PTPRD: variants seen among roughly 807,000 people sequenced by gnomAD.
The protein encoded by PTPRD is receptor-type tyrosine-protein phosphatase delta.
PTPRD carries 34 observed loss-of-function variants against 214.5 expected under a neutral mutation model. The observed-to-expected ratio is 0.16, with a 90% CI of 0.12 to 0.21. PTPRD has a LOEUF of 0.21. Among genes scored for constraint, PTPRD ranks in the 10% least tolerant of loss-of-function variants. The pLI is 1.00. For missense variants in PTPRD, 2,545 were observed against 2,398.7 expected, an observed-to-expected ratio of 1.06 and a Z score of -1.27; for synonymous variants, 1,128 against 845.7, an observed-to-expected ratio of 1.33 and a Z score of -5.79.
chr9:10,324,880 T>C (rs2096616185), intron 3 of PTPRD, among the ~76,000 whole-genome samples: 1 of 152,062 alleles, frequency 6.6e-6, no homozygotes, highest in African/African-American at 2.4e-5. Flanking sequence ...CAATCAAATG[T>C]ATAAGTCAAC....
At chr9:9,249,342 G>C (rs142541342) in intron 9 of PTPRD, among the ~76,000 whole-genome samples, 11 of 152,108 alleles carry the variant, frequency 7.2e-5, no homozygotes, top group Admixed American at 4.6e-4. Context: ...AGAACCATGA[G>C]ACAAATAAAC....
At chr9:8,411,331 AG>A (rs1331967242) in intron 35 of PTPRD, among the ~76,000 whole-genome samples, 8 of 144,422 alleles carry the variant, frequency 5.5e-5, no homozygotes, top group Non-Finnish European at 9.1e-5. Context: ...TTTTTGTGGC[AG>A]GGTCATGCCT....
At chr9:10,024,018 G>C (rs2096874088) in intron 4 of PTPRD, among the ~76,000 whole-genome samples, 1 of 151,806 alleles carries the variant, frequency 6.6e-6, no homozygotes, top group Non-Finnish European at 1.5e-5. Context: ...CCAATCATGA[G>C]TACTTTCTAT....
chr9:9,846,018 T>A (rs1049455906), intron 5 of PTPRD, among the ~76,000 whole-genome samples: 1 of 152,110 alleles, frequency 6.6e-6, no homozygotes, highest in Non-Finnish European at 1.5e-5. Flanking sequence ...TAATCTACTT[T>A]TGTCTTGAGA....
chr9:9,917,150 G>C (rs1311635168), intron 5 of PTPRD, among the ~76,000 whole-genome samples: 1 of 149,294 alleles, frequency 6.7e-6, no homozygotes, highest in African/African-American at 2.5e-5. Context: ...TGAATGTCTA[G>C]AAAAGAACAA....
intron 4 of PTPRD, among the ~76,000 whole-genome samples, chr9:9,982,530 T>G (rs2095579838): frequency 6.6e-6 from 1 of 151,346 alleles, no homozygotes; most frequent in Non-Finnish European, 1.5e-5. Context: ...ATAAACTAAT[T>G]GCAATTCTCT....
intron 7 of PTPRD, among the ~76,000 whole-genome samples, chr9:9,725,788 T>G (rs1467275152): frequency 6.6e-6 from 1 of 152,196 alleles, no homozygotes; most frequent in African/African-American, 2.4e-5. Flanking sequence ...TATTATACTT[T>G]GGGGAACTGT....
rs1316521794 is a variant in PTPRD, at chr9:9,256,412, CTCTT to C, written c.-202-73053_-202-73050del. On this transcript the variant is annotated intron_variant, in intron 9 of 45. Transcript: ENST00000381196. ...ATTTTGGTCCTTACATTTTTTTTCTCTCTTTTTTTTCCATTTTTGTACTATTTTT... is the reference window on the plus strand; with the variant it reads ...ATTTTGGTCCTTACATTTTTTTTCTCTTTTTTCCATTTTTGTACTATTTTT... Among the ~76,000 whole-genome samples the C allele has an allele frequency of 3.3e-5, 5 of 151,564 alleles. No individual in the cohort carries two copies. The South Asian group carries it at 8.3e-4, about 25-fold the overall frequency.
chr9:10,443,718 T>C (rs1241406641), intron 2 of PTPRD, among the ~76,000 whole-genome samples: 3 of 151,550 alleles, frequency 2.0e-5, no homozygotes, highest in South Asian at 2.1e-4. Context: ...TTAGGAATTC[T>C]CCTCAGTATT....
chr9:10,134,224 G>T (rs1033819269), intron 3 of PTPRD, among the ~76,000 whole-genome samples: 1 of 152,124 alleles, frequency 6.6e-6, no homozygotes, highest in Admixed American at 6.5e-5. Context: ...TCTCCAGAGA[G>T]CTGCAGGTCT....
At chr9:8,543,348 T>C (rs1458431961) in intron 14 of PTPRD, among the ~76,000 whole-genome samples, 1 of 152,186 alleles carries the variant, frequency 6.6e-6, no homozygotes, top group African/African-American at 2.4e-5. Flanking sequence ...CATAGCAACA[T>C]GACATAATCC....
intron 12 of PTPRD, among the ~76,000 whole-genome samples, chr9:8,717,343 C>T (rs1257286936): frequency 6.6e-6 from 1 of 152,190 alleles, no homozygotes; most frequent in Admixed American, 6.5e-5. Context: ...TTCTATGACT[C>T]ATCAAGCACT....
chr9:8,556,975 T>G (rs1308307445), intron 14 of PTPRD, among the ~76,000 whole-genome samples: 1 of 152,188 alleles, frequency 6.6e-6, no homozygotes. Flanking sequence ...TTATATAAAT[T>G]AATACAATAT....
chr9:8,652,292 A>C (rs527556284), intron 12 of PTPRD, among the ~76,000 whole-genome samples: 1 of 152,316 alleles, frequency 6.6e-6, no homozygotes, highest in South Asian at 2.1e-4. Context: ...CCCCTAATTT[A>C]ACTATTGCAG....
chr9:9,937,979 A>T (rs978826760), intron 5 of PTPRD, among the ~76,000 whole-genome samples: 5 of 152,130 alleles, frequency 3.3e-5, no homozygotes, highest in Admixed American at 2.0e-4. Flanking sequence ...CAGAGATCTT[A>T]CCTCTTGTAA....
At chr9:9,109,699 T>G (rs2099803388) in intron 10 of PTPRD, among the ~76,000 whole-genome samples, 1 of 152,136 alleles carries the variant, frequency 6.6e-6, no homozygotes, top group Non-Finnish European at 1.5e-5. Context: ...TGAGGCCTCC[T>G]CTTATATTCT....
chr9:10,394,949 TTC>T (rs2098138878), intron 2 of PTPRD, among the ~76,000 whole-genome samples: 1 of 134,198 alleles, frequency 7.5e-6, no homozygotes, highest in South Asian at 2.4e-4. Context: ...CCACCATTTT[TTC>T]TTTTTCTTTT....
At chr9:8,702,946 A>G (rs2098122759) in intron 12 of PTPRD, among the ~76,000 whole-genome samples, 1 of 152,220 alleles carries the variant, frequency 6.6e-6, no homozygotes, top group African/African-American at 2.4e-5. Flanking sequence ...AACAAGAGGA[A>G]GGAGGACATT....
rs781339374 is a variant in PTPRD, at chr9:8,900,770, G to T, written c.-104+117927C>A. ...AGCACTGAACACACATTAAATGTGG[G>T]GGAAAATGGTCCCAAAGAATTTAGG... On this transcript the variant is annotated intron_variant, in intron 11 of 45. Coordinates refer to ENST00000381196, the MANE Select transcript of PTPRD (RefSeq NM_002839.4). Among the ~76,000 whole-genome samples, 7 of 152,128 alleles carry T rather than the reference G, an allele frequency of 4.6e-5. 1 individual carries two copies. The highest frequency in any genetic ancestry group is 1.0e-4 in the Non-Finnish European group (7 of 68,032).
Sources: gnomAD v4.1 joint callset for allele counts (sites outside exome capture counted in the v4.1 genomes callset) on GRCh38, gnomAD v4.1.1 for gene constraint, MANE v1.5 for transcripts, NCBI Gene and HGNC (gene_info 2026-07-23, HGNC 2026-07-21) for gene names.